The following SP140L variants were observed in gnomAD, a reference collection of about 807,000 sequenced individuals.
SP140L encodes SP140 like nuclear body protein.
SP140L carries 64 observed loss-of-function variants against 84.3 expected under a neutral mutation model. The ratio of observed to expected loss-of-function variants is 0.76; its 90% confidence interval spans 0.62 to 0.94. The LOEUF (loss-of-function observed/expected upper bound fraction) is 0.94, where lower values mean the gene tolerates loss of function less well. SP140L is among the 40% of genes least tolerant of loss of function. The probability of loss-of-function intolerance (pLI) is 0.00; values close to 1 mark genes in which losing one functional copy is unlikely to be tolerated. For missense variants in SP140L, 628 were observed against 692.5 expected, an observed-to-expected ratio of 0.91 and a Z score of 1.05; for synonymous variants, 242 against 236.9, an observed-to-expected ratio of 1.02 and a Z score of -0.20.
intron 5 of SP140L, among the ~76,000 whole-genome samples, chr2:230,365,736 C>T (rs998585635): frequency 6.6e-6 from 1 of 151,826 alleles, no homozygotes; most frequent in African/African-American, 2.4e-5. Flanking sequence ...TGTTTGAGAT[C>T]TTTCTTCTTT....
At position 230,383,540 on chromosome 2, in the gene SP140L, T is replaced by C; in HGVS notation, c.668T>C (p.Met223Thr). 3 of 1,606,992 alleles carry C rather than the reference T, an allele frequency of 1.9e-6. No individual in the cohort carries two copies. The South Asian group carries it at 3.4e-5, about 18-fold the overall frequency. The change falls in exon 8 of 19, where the codon ATG (methionine) becomes ACG (threonine). Residue 223 changes from methionine to threonine, a missense_variant. Transcript: ENST00000415673. ...AAGAAGGGGCATGGCTGGAGCAGAA[T>C]GGGAACGAGAACGCAGAAAAACAAC... ...RKKKGHGWSRMGTRTQKNNQQ... is the reference protein window; with the variant it reads ...RKKKGHGWSRTGTRTQKNNQQ...
chr2:230,375,685 T>C (rs2149777736), intron 7 of SP140L, among the ~76,000 whole-genome samples: 1 of 152,310 alleles, frequency 6.6e-6, no homozygotes, highest in East Asian at 1.9e-4. Flanking sequence ...CATTGGCTAT[T>C]TATATGTCTT....
At chr2:230,394,192 T>C (rs749153250) in intron 13 of SP140L, among the ~76,000 whole-genome samples, 2 of 152,254 alleles carry the variant, frequency 1.3e-5, no homozygotes, top group Non-Finnish European at 2.9e-5. Context: ...ACCTGCTTTT[T>C]ATCTGTGAAA....
chr2:230,349,973 C>G (rs1483524139), intron 2 of SP140L, among the ~76,000 whole-genome samples: 1 of 152,186 alleles, frequency 6.6e-6, no homozygotes, highest in African/African-American at 2.4e-5. Context: ...CAAGCCACTG[C>G]ACTCCAGCCT....
intron 2 of SP140L, among the ~76,000 whole-genome samples, chr2:230,336,013 A>G: frequency 6.6e-6 from 1 of 152,246 alleles, no homozygotes; most frequent in East Asian, 1.9e-4. Flanking sequence ...CAGGACTCAC[A>G]TACTATACAG....
chr2:230,346,440 T>A (rs1454435768), intron 2 of SP140L, among the ~76,000 whole-genome samples: 1 of 152,192 alleles, frequency 6.6e-6, no homozygotes, highest in African/African-American at 2.4e-5. Context: ...ATTTGGGAAG[T>A]TTTTAGTCAT....
intron 2 of SP140L, among the ~76,000 whole-genome samples, chr2:230,353,518 T>C (rs957499716): frequency 2.6e-5 from 4 of 152,106 alleles, no homozygotes; most frequent in African/African-American, 9.6e-5. Context: ...ATTTGTTTCT[T>C]GAATTTTGAA....
At chr2:230,399,097 C>A (rs1386772795) in intron 14 of SP140L, among the ~76,000 whole-genome samples, 3 of 152,168 alleles carry the variant, frequency 2.0e-5, no homozygotes, top group African/African-American at 4.8e-5. Context: ...AGCACTTTTC[C>A]CTTGAACGGC....
At chr2:230,373,239 A>G (rs1260126794) in intron 7 of SP140L, among the ~76,000 whole-genome samples, 1 of 152,240 alleles carries the variant, frequency 6.6e-6, no homozygotes, top group Non-Finnish European at 1.5e-5. Flanking sequence ...GGTCACTGAT[A>G]GAGTTGGCAA....
At chr2:230,370,545 T>C (rs1257838323) in intron 5 of SP140L, among the ~76,000 whole-genome samples, 2 of 152,194 alleles carry the variant, frequency 1.3e-5, no homozygotes, top group East Asian at 1.9e-4. Context: ...CTCATTAGTA[T>C]CTGGTGAACT....
chr2:230,359,793 A>G (rs1389810421), intron 4 of SP140L, among the ~76,000 whole-genome samples: 1 of 152,170 alleles, frequency 6.6e-6, no homozygotes, highest in Non-Finnish European at 1.5e-5. Flanking sequence ...TGAACAAGAA[A>G]ATTAACCCTG....
chr2:230,361,183 T>A (rs1213337034), intron 4 of SP140L, among the ~76,000 whole-genome samples: 1 of 152,078 alleles, frequency 6.6e-6, no homozygotes, highest in Non-Finnish European at 1.5e-5. Flanking sequence ...AAATCCTAGG[T>A]TCAGGAGATG....
In SP140L at chr2:230,327,275, A is replaced by C; in HGVS notation, c.6A>C (p.Ala2=). 6.2e-7 allele frequency: 1 copy of C among 1,611,610 alleles called. No homozygotes were observed. Among genetic ancestry groups the C allele is most frequent in the Non-Finnish European group, 8.5e-7 (1 of 1,178,906 alleles). M[A]GGGSDLSTRG... is the part of the protein sequence containing the mutation. ...GCAGGGCCTAGGGTGGGACGATGGCAGGTGGGGGCAGCGACCTGAGCACCA... is the reference window on the plus strand; with the variant it reads ...GCAGGGCCTAGGGTGGGACGATGGCCGGTGGGGGCAGCGACCTGAGCACCA... The change falls in exon 1 of 19, where the codon GCA becomes GCC. Residue 2 remains alanine (A), a synonymous_variant. Transcript: ENST00000415673.
intron 2 of SP140L, among the ~76,000 whole-genome samples, chr2:230,331,628 A>G (rs2059727218): frequency 6.6e-6 from 1 of 152,262 alleles, no homozygotes; most frequent in Non-Finnish European, 1.5e-5. Flanking sequence ...GATCCCAGCT[A>G]GAAACATGGT....
intron 5 of SP140L, among the ~76,000 whole-genome samples, chr2:230,363,863 G>T (rs766278821): frequency 1.3e-5 from 2 of 152,030 alleles, no homozygotes; most frequent in Non-Finnish European, 2.9e-5. Flanking sequence ...ATGAAATAGG[G>T]TCTAATTTCA....
At chr2:230,402,762 A>C (rs772107187) in intron 18 of SP140L, 36 bp from the exon 19 acceptor site, 2 of 1,517,052 alleles carry the variant, frequency 1.3e-6, no homozygotes, top group Admixed American at 1.7e-5. Flanking sequence ...ACTAATGATA[A>C]GGAACATCGT....
chr2:230,359,039 A>G lies in SP140L; in HGVS notation c.346A>G (p.Thr116Ala). ...VYNVLSELEK[T>A]FNLSVLEALF... ...CAATGTTCTCAGTGAACTGGAGAAG[A>G]CATTTAACCTGTCAGTTTTGGAAGC... Residue 116 changes from threonine (T) to alanine (A), a missense_variant, in exon 4 of 19, where the codon ACA becomes GCA. Thr to Ala is a moderately conservative substitution (Grantham distance 58). Coordinates refer to ENST00000415673, the MANE Select transcript of SP140L (RefSeq NM_138402.6). The G allele has an allele frequency of 6.2e-7, 1 of 1,613,828 alleles. No homozygotes were observed. The highest frequency in any genetic ancestry group is 8.5e-7 in the Non-Finnish European group (1 of 1,179,814).
intron 5 of SP140L, among the ~76,000 whole-genome samples, chr2:230,363,392 A>AT: frequency 6.6e-6 from 1 of 152,124 alleles, no homozygotes; most frequent in Non-Finnish European, 1.5e-5. Context: ...TGTGGTTTCA[A>AT]TTTGTATTTT....
At chr2:230,355,039 A>C (rs1361361027) in intron 2 of SP140L, among the ~76,000 whole-genome samples, 1 of 152,142 alleles carries the variant, frequency 6.6e-6, no homozygotes, top group Non-Finnish European at 1.5e-5. Flanking sequence ...TTTCCCTAAA[A>C]TTGGAAATAA....
Sources: gnomAD v4.1 joint callset for allele counts (sites outside exome capture counted in the v4.1 genomes callset) on GRCh38, gnomAD v4.1.1 for gene constraint, MANE v1.5 for transcripts, NCBI Gene and HGNC (gene_info 2026-07-23, HGNC 2026-07-21) for gene names.